VRK2: variants seen among roughly 807,000 people sequenced by gnomAD.
VRK2 encodes the protein serine/threonine-protein kinase VRK2.
Under a neutral mutation model 57.6 loss-of-function variants are expected in VRK2, and 60 were observed. The observed-to-expected ratio is 1.04, with a 90% CI of 0.85 to 1.29. The LOEUF is 1.29. VRK2 is among the 50% of genes most tolerant of loss of function. VRK2 has a pLI of 0.00. For missense variants in VRK2, 705 were observed against 588.1 expected, an observed-to-expected ratio of 1.20 and a Z score of -2.06; for synonymous variants, 231 against 199.2, an observed-to-expected ratio of 1.16 and a Z score of -1.35.
chr2:58,133,379 C>T (rs1679500381), intron 9 of VRK2, among the ~76,000 whole-genome samples: 1 of 152,034 alleles, frequency 6.6e-6, no homozygotes, highest in Non-Finnish European at 1.5e-5. Flanking sequence ...ACTAGTAAAG[C>T]CAATATCATA....
chr2:58,046,745 G>A (rs1674797468), upstream of VRK2: 1 of 985,556 alleles, frequency 1.0e-6, no homozygotes, highest in Non-Finnish European at 1.2e-6. Context: ...CAGGTCCTAG[G>A]GAGGGCAGGC....
intron 1 of VRK2, among the ~76,000 whole-genome samples, chr2:57,985,797 A>G (rs1363434446): frequency 6.6e-6 from 1 of 152,142 alleles, no homozygotes; most frequent in African/African-American, 2.4e-5. Context: ...TAGGATTATC[A>G]TGTAGAAAAT....
Position 58,139,789 on chromosome 2 carries a change from C to G in VRK2, c.980C>G (p.Thr327Arg), listed in dbSNP as rs1553423606. Reference protein sequence around the residue: ...GIPLGPLDFSTKGQSINVHTP... With the variant: ...GIPLGPLDFSRKGQSINVHTP... ...CCTTTAGGACCACTGGACTTTTCCACAAAAGGACAGAGTATAAATGTCCAT... is the reference window on the plus strand; with the variant it reads ...CCTTTAGGACCACTGGACTTTTCCAGAAAAGGACAGAGTATAAATGTCCAT... Residue 327 changes from threonine to arginine, a missense_variant, in exon 11 of 13, where the codon ACA becomes AGA. Thr to Arg is a moderately conservative substitution (Grantham distance 71). Transcript: ENST00000340157. 6.2e-7 allele frequency: 1 copy of G among 1,612,932 alleles called. No homozygotes were observed. The highest frequency in any genetic ancestry group is 8.5e-7 in the Non-Finnish European group (1 of 1,179,348).
At chr2:58,020,941 C>G (rs1459965788) in intron 1 of VRK2, among the ~76,000 whole-genome samples, 3 of 152,054 alleles carry the variant, frequency 2.0e-5, no homozygotes, top group Non-Finnish European at 4.4e-5. Flanking sequence ...GACCCATTCT[C>G]TATAAGTTTT....
chr2:58,036,227 T>C (rs1025351652), intron 3 of VRK2, among the ~76,000 whole-genome samples: 7 of 151,972 alleles, frequency 4.6e-5, no homozygotes, highest in African/African-American at 1.7e-4. Flanking sequence ...GTATTGTATA[T>C]CCTTTTCCAC....
chr2:58,062,910 C>T (rs542581128), intron 2 of VRK2, among the ~76,000 whole-genome samples: 4 of 152,078 alleles, frequency 2.6e-5, no homozygotes, highest in African/African-American at 9.7e-5. Flanking sequence ...GTAAATGAAA[C>T]AGCCTTCTAT....
chr2:57,908,140 G>T (rs1392264554), intron 1 of VRK2, among the ~76,000 whole-genome samples: 1 of 152,116 alleles, frequency 6.6e-6, no homozygotes, highest in Non-Finnish European at 1.5e-5. Context: ...AAACCAAAAA[G>T]CATAGTCAGG....
At chr2:58,071,658 A>AT (rs986316209) in intron 2 of VRK2, among the ~76,000 whole-genome samples, 23 of 151,420 alleles carry the variant, frequency 1.5e-4, no homozygotes, top group Admixed American at 2.6e-4. Flanking sequence ...CTATTTGTCT[A>AT]TTTTTTTTGC....
chr2:58,022,117 G>A (rs1466838890), intron 1 of VRK2, among the ~76,000 whole-genome samples: 1 of 152,154 alleles, frequency 6.6e-6, no homozygotes, highest in Non-Finnish European at 1.5e-5. Context: ...AATATCCTGA[G>A]GTGAGTTTCC....
intron 1 of VRK2, among the ~76,000 whole-genome samples, chr2:57,970,475 T>C (rs552118839): frequency 1.7e-4 from 26 of 151,612 alleles, no homozygotes; most frequent in African/African-American, 5.8e-4. Flanking sequence ...CTTCTTTTAA[T>C]ATATATTTTT....
At chr2:58,032,372 A>T (rs1674139960) in intron 2 of VRK2, among the ~76,000 whole-genome samples, 1 of 152,112 alleles carries the variant, frequency 6.6e-6, no homozygotes, top group Non-Finnish European at 1.5e-5. Context: ...ACACTGGAAG[A>T]TTCATTGTCT....
At chr2:58,028,903 AATATATATATATATATAT>A (rs58729342) in intron 2 of VRK2, among the ~76,000 whole-genome samples, 14 of 54,020 alleles carry the variant, frequency 2.6e-4, no homozygotes, top group South Asian at 8.9e-4. Flanking sequence ...TAAATAAATA[AATATATATATATATATAT>A]ATATATATAT....
At chr2:57,989,731 A>T (rs990907710) in intron 1 of VRK2, among the ~76,000 whole-genome samples, 5 of 152,178 alleles carry the variant, frequency 3.3e-5, no homozygotes, top group Non-Finnish European at 5.9e-5. Context: ...ATGCATTTTT[A>T]TTTGTTTTAG....
At chr2:58,034,769 T>C (rs1346692068) in intron 3 of VRK2, among the ~76,000 whole-genome samples, 1 of 120,312 alleles carries the variant, frequency 8.3e-6, no homozygotes, top group Admixed American at 8.2e-5. Flanking sequence ...GTTCCAGAGG[T>C]TTTTTTTAAA....
At chr2:58,007,049 T>C (rs1673269904) in intron 1 of VRK2, among the ~76,000 whole-genome samples, 1 of 152,030 alleles carries the variant, frequency 6.6e-6, no homozygotes, top group South Asian at 2.1e-4. Context: ...CCTTTGGACT[T>C]TGACTGGAAC....
rs550439907 is a variant in VRK2 at position 57,960,760 on chromosome 2, G to A, written c.-439+52921G>A. On this transcript the variant is annotated intron_variant, in intron 1 of 15. Coordinates refer to the VRK2 transcript ENST00000417641. ...AAATGAAATTAAATACAGATTAGAT[G>A]TGCAAACTATGGTGGCATATTTTAG... Among the ~76,000 whole-genome samples the A allele has an allele frequency of 8.9e-4, 135 of 152,310 alleles. 1 individual carries two copies. The Middle Eastern group carries it at 0.027, about 31-fold the overall frequency.
intron 7 of VRK2, among the ~76,000 whole-genome samples, chr2:58,099,008 G>T (rs1020892650): frequency 6.6e-6 from 1 of 151,814 alleles, no homozygotes; most frequent in Non-Finnish European, 1.5e-5. Flanking sequence ...ATATGATATG[G>T]TGTTGCACAA....
intron 10 of VRK2, 134 bp from the exon 11 acceptor site, chr2:58,139,532 G>C: frequency 1.4e-6 from 1 of 733,800 alleles, no homozygotes; most frequent in Non-Finnish European, 2.2e-6. Flanking sequence ...TATTTTCATT[G>C]AATTGTTCAT....
intron 1 of VRK2, among the ~76,000 whole-genome samples, chr2:57,985,269 AC>A (rs1267115005): frequency 6.6e-6 from 1 of 152,086 alleles, no homozygotes; most frequent in African/African-American, 2.4e-5. Flanking sequence ...TTGCAGCAAG[AC>A]CTTCCTTGTG....
Sources: allele counts gnomAD v4.1 joint callset (sites outside exome capture counted in the v4.1 genomes callset), GRCh38; gene constraint gnomAD v4.1.1; transcripts MANE v1.5; gene names NCBI Gene and HGNC (gene_info 2026-07-23, HGNC 2026-07-21).